SHANK2: variants seen among roughly 807,000 people sequenced by gnomAD.
SHANK2 encodes SH3 and multiple ankyrin repeat domains protein 2.
In SHANK2, 43 loss-of-function variants were observed where a neutral mutation model predicts 133.7. The ratio of observed to expected loss-of-function variants is 0.32; its 90% CI spans 0.25 to 0.41. The LOEUF is 0.41. SHANK2 is among the 10% of genes least tolerant of loss of function. The pLI, the probability that SHANK2 is intolerant of heterozygous loss-of-function variation, is 1.00. For missense variants in SHANK2, 1,994 were observed against 2,235.8 expected (o/e 0.89, Z 2.18); for synonymous variants, 1,017 against 952.8 (o/e 1.07, Z -1.24).
intron 14 of SHANK2, among the ~76,000 whole-genome samples, chr11:70,735,196 G>A (rs1210863315): frequency 6.6e-6 from 1 of 152,202 alleles, no homozygotes; most frequent in African/African-American, 2.4e-5. Flanking sequence ...CCCAAGAGAG[G>A]CGGCGGGGAC....
intron 2 of SHANK2, among the ~76,000 whole-genome samples, chr11:71,200,099 C>T (rs868996424): frequency 1.3e-5 from 2 of 152,186 alleles, no homozygotes; most frequent in African/African-American, 4.8e-5. Flanking sequence ...CTCAGCACCC[C>T]ACATGGAAAC....
At chr11:70,826,694 C>A in intron 11 of SHANK2, 1 of 350,852 alleles carries the variant, frequency 2.9e-6, no homozygotes. Context: ...ACAAAGCCCA[C>A]CCCATATTCT....
chr11:70,822,363 A>C (rs2135354987), intron 11 of SHANK2, among the ~76,000 whole-genome samples: 1 of 152,372 alleles, frequency 6.6e-6, no homozygotes, highest in Middle Eastern at 3.4e-3. Flanking sequence ...GAAGAACGTC[A>C]CAAGTAGTTT....
At position 71,188,768 on chromosome 11, in the gene SHANK2, G is replaced by A. The variant is rs949510654; in HGVS notation, c.-13+35929C>T. Among the ~76,000 whole-genome samples, 1 of 152,172 alleles carries A rather than the reference G, an allele frequency of 6.6e-6. No homozygotes were observed. The highest frequency in any genetic ancestry group is 2.4e-5 in the African/African-American group (1 of 41,446). ...ACGTCCCTGCACTGTGCTGGGTGCT[G>A]GCCTCACTGAGATAACTACGACCAC... is the stretch of plus-strand genomic sequence containing the variant. On this transcript the variant is annotated intron_variant, in intron 2 of 25. Transcript: ENST00000601538. The surrounding 1 kb of genome is among the most constrained non-coding windows in gnomAD (Gnocchi z 4.6).
intron 11 of SHANK2, among the ~76,000 whole-genome samples, chr11:70,886,169 G>T (rs536409101): frequency 1.3e-5 from 2 of 152,096 alleles, no homozygotes; most frequent in African/African-American, 2.4e-5. Context: ...GAGACAAGAC[G>T]CAGGTCAGTC....
At chr11:71,226,834 G>A (rs985105622) in intron 1 of SHANK2, among the ~76,000 whole-genome samples, 9 of 152,118 alleles carry the variant, frequency 5.9e-5, no homozygotes, top group African/African-American at 2.2e-4. Context: ...AAAAAAGTAT[G>A]GTAAGCAAAA....
intron 17 of SHANK2, among the ~76,000 whole-genome samples, chr11:70,505,420 C>T (rs1269807610): frequency 2.6e-5 from 4 of 152,086 alleles, no homozygotes; most frequent in Admixed American, 6.5e-5. Context: ...TCAGGAGCCG[C>T]GAGGCCAATG....
chr11:70,480,287 C>T (rs1555151208), intron 25 of SHANK2, among the ~76,000 whole-genome samples: 1 of 152,224 alleles, frequency 6.6e-6, no homozygotes, highest in African/African-American at 2.4e-5. Context: ...TTTTAAATTT[C>T]TGGTCATTCA....
intron 1 of SHANK2, among the ~76,000 whole-genome samples, chr11:71,251,709 C>T (rs1435622689): frequency 4.0e-5 from 6 of 151,044 alleles, no homozygotes; most frequent in Non-Finnish European, 7.4e-5. Flanking sequence ...GCACGGCGGG[C>T]CGGGGTCGGG....
At chr11:70,694,825 G>A (rs903638868) in intron 15 of SHANK2, among the ~76,000 whole-genome samples, 2 of 152,028 alleles carry the variant, frequency 1.3e-5, no homozygotes, top group Non-Finnish European at 2.9e-5. Flanking sequence ...CTCCTTCCAT[G>A]CTGCCTGCTC....
chr11:71,094,834 C>A, intron 6 of SHANK2, 146 bp from the exon 7 acceptor site: 1 of 914,828 alleles, frequency 1.1e-6, no homozygotes, highest in Non-Finnish European at 1.6e-6. Flanking sequence ...CCTGGGAACC[C>A]CAAGAGTCCA....
chr11:70,537,376 CGG>C (rs1481753100), intron 17 of SHANK2, among the ~76,000 whole-genome samples: 1 of 152,218 alleles, frequency 6.6e-6, no homozygotes, highest in Non-Finnish European at 1.5e-5. Context: ...GAATATGACC[CGG>C]GATTTATGGT....
chr11:70,606,801 G>A (rs1244117559), intron 17 of SHANK2, among the ~76,000 whole-genome samples: 1 of 152,208 alleles, frequency 6.6e-6, no homozygotes, highest in African/African-American at 2.4e-5. Flanking sequence ...TCCTGTTACT[G>A]GGTCAAACCG....
At chr11:70,817,459 G>A (rs1315134399) in intron 12 of SHANK2, among the ~76,000 whole-genome samples, 2 of 152,210 alleles carry the variant, frequency 1.3e-5, no homozygotes, top group African/African-American at 4.8e-5. Context: ...AGTGCCCCTC[G>A]ACTTGGGACA....
At chr11:71,118,568 T>C (rs1555100811) in intron 4 of SHANK2, among the ~76,000 whole-genome samples, 1 of 147,472 alleles carries the variant, frequency 6.8e-6, no homozygotes, top group Non-Finnish European at 1.5e-5. Context: ...ACCGCTATGA[T>C]CCAATCACCT....
chr11:70,781,645 T>G (rs2135115508), intron 14 of SHANK2, among the ~76,000 whole-genome samples: 1 of 144,400 alleles, frequency 6.9e-6, no homozygotes, highest in South Asian at 2.3e-4. Context: ...GCAGGTTTGT[T>G]ACATATGCAT....
intron 14 of SHANK2, among the ~76,000 whole-genome samples, chr11:70,769,370 CCTT>C (rs782549188): frequency 6.6e-6 from 1 of 152,176 alleles, no homozygotes; most frequent in Non-Finnish European, 1.5e-5. Flanking sequence ...CACATAGACT[CCTT>C]CTAGGAGGAT....
At chr11:70,797,597 C>T (rs1373283273) in intron 14 of SHANK2, among the ~76,000 whole-genome samples, 3 of 152,180 alleles carry the variant, frequency 2.0e-5, no homozygotes, top group East Asian at 3.9e-4. Context: ...CAGAGGGCTA[C>T]CTAGTGAGCC....
At chr11:70,824,723 A>G (rs1394274789) in intron 11 of SHANK2, among the ~76,000 whole-genome samples, 2 of 152,082 alleles carry the variant, frequency 1.3e-5, no homozygotes, top group Non-Finnish European at 2.9e-5. Context: ...CTTGTAGATC[A>G]CTGAGTGTTT....
Sources: allele counts gnomAD v4.1 joint callset (sites outside exome capture counted in the v4.1 genomes callset), GRCh38; gene constraint gnomAD v4.1.1; non-coding constraint Gnocchi (gnomAD v3.1); transcripts MANE v1.5; gene names NCBI Gene and HGNC (gene_info 2026-07-23, HGNC 2026-07-21).